Variants in FBN2 observed in about 807,000 individuals in gnomAD.
FBN2 encodes fibrillin 2.
A neutral mutation model predicts 355.6 loss-of-function variants in FBN2; 105 were observed. The observed-to-expected ratio is 0.30, with a 90% CI of 0.25 to 0.35. FBN2 has a LOEUF of 0.35. Ranked by LOEUF, FBN2 falls within the 10% of genes least tolerant of loss-of-function variation. The pLI is 1.00. For synonymous variants in FBN2, 1,350 were observed against 1,301.2 expected (o/e 1.04, Z -0.81); for missense variants, 3,280 against 3,758.7 (o/e 0.87, Z 3.33).
intron 25 of FBN2, among the ~76,000 whole-genome samples, chr5:128,342,569 AG>A (rs1751054080): frequency 6.6e-6 from 1 of 152,138 alleles, no homozygotes; most frequent in Admixed American, 6.5e-5. Flanking sequence ...AACAGGAAGC[AG>A]GGAAGAGGAG....
chr5:128,413,087 C>A (rs1191146036), intron 7 of FBN2, among the ~76,000 whole-genome samples: 2 of 152,078 alleles, frequency 1.3e-5, no homozygotes, highest in Admixed American at 6.5e-5. Context: ...ACATTTTGAT[C>A]CTGGGATGTT....
chr5:128,478,930 G>A (rs2127104674), intron 5 of FBN2, among the ~76,000 whole-genome samples: 1 of 152,274 alleles, frequency 6.6e-6, no homozygotes, highest in African/African-American at 2.4e-5. Flanking sequence ...TAGCATTCCT[G>A]AAGACAAGTG....
At chr5:128,288,978 A>G (rs1042957555) in intron 52 of FBN2, 149 bp downstream of exon 52, 217 of 787,414 alleles carry the variant, frequency 2.8e-4, no homozygotes, top group Admixed American at 1.8e-4. Flanking sequence ...TGACTGGAAA[A>G]TGTAAGACTG....
chr5:128,537,836 G>C lies in FBN2; in HGVS notation c.-233C>G. 5.0e-6 allele frequency: 3 copies of C among 597,224 alleles called. No individual in the cohort carries two copies. The South Asian group carries it at 6.0e-5, about 12-fold the overall frequency. The allele number at this position is 597,224 out of a possible 1,614,324, so 37.0% of individuals were successfully genotyped here. ...TCTAGCGCAGTGAGCGGCGAGGCGC[G>C]GCGGAGGTGCAGCCGGCAGCCCCGA... is the stretch of plus-strand genomic sequence containing the variant. On this transcript the variant is annotated 5_prime_UTR_variant, in exon 1 of 65. Coordinates refer to ENST00000262464, the MANE Select transcript of FBN2 (RefSeq NM_001999.4).
chr5:128,286,658 C>T, intron 55 of FBN2, 60 bp downstream of exon 55: 7 of 1,595,252 alleles, frequency 4.4e-6, no homozygotes, highest in Non-Finnish European at 2.6e-6. Context: ...GGGAGTAGTG[C>T]CATTAATGAG....
intron 34 of FBN2, among the ~76,000 whole-genome samples, chr5:128,319,596 T>C (rs1364202917): frequency 6.6e-6 from 1 of 152,100 alleles, no homozygotes; most frequent in Non-Finnish European, 1.5e-5. Flanking sequence ...TCTGTTATTA[T>C]AAAGCAGTTT....
intron 16 of FBN2, among the ~76,000 whole-genome samples, chr5:128,368,434 A>T (rs1751833836): frequency 7.4e-6 from 1 of 135,792 alleles, no homozygotes; most frequent in Non-Finnish European, 1.5e-5. Flanking sequence ...ATATATATAT[A>T]CACATATATA....
intron 5 of FBN2, among the ~76,000 whole-genome samples, chr5:128,471,274 G>A (rs557655801): frequency 6.6e-6 from 1 of 152,048 alleles, no homozygotes; most frequent in South Asian, 2.1e-4. Flanking sequence ...TCAATGATGA[G>A]GTTATAATTG....
intron 8 of FBN2, among the ~76,000 whole-genome samples, chr5:128,395,647 A>C (rs1420036781): frequency 2.0e-5 from 3 of 152,232 alleles, no homozygotes; most frequent in Non-Finnish European, 2.9e-5. Context: ...GATCAGATGC[A>C]ACCTGAAACA....
intron 46 of FBN2, among the ~76,000 whole-genome samples, chr5:128,302,411 T>C (rs1378413301): frequency 6.6e-6 from 1 of 152,194 alleles, no homozygotes; most frequent in African/African-American, 2.4e-5. Flanking sequence ...CACATTTGTG[T>C]GTTGCTGTGG....
intron 55 of FBN2, among the ~76,000 whole-genome samples, chr5:128,283,478 A>C (rs1004643268): frequency 6.6e-6 from 1 of 152,236 alleles, no homozygotes; most frequent in Non-Finnish European, 1.5e-5. Flanking sequence ...TTCTCAGGAC[A>C]TCACACGGAC....
intron 2 of FBN2, among the ~76,000 whole-genome samples, chr5:128,532,408 C>G (rs901534888): frequency 6.6e-6 from 1 of 152,112 alleles, no homozygotes; most frequent in East Asian, 1.9e-4. Context: ...CACTTGTAGC[C>G]AAGTACCTTC....
At chr5:128,275,125 C>T (rs540818585) in intron 59 of FBN2, among the ~76,000 whole-genome samples, 47 of 152,210 alleles carry the variant, frequency 3.1e-4, no homozygotes, top group African/African-American at 7.0e-4. Flanking sequence ...GATGAAAACA[C>T]GGGCATTAAT....
In FBN2 at chr5:128,305,876, C is replaced by A; in HGVS notation, c.5495G>T (p.Arg1832Leu). The A allele has an allele frequency of 6.2e-7, 1 of 1,613,868 alleles. No homozygotes were observed. The highest frequency in any genetic ancestry group is 8.5e-7 in the Non-Finnish European group (1 of 1,179,790). Residue 1832 changes from arginine to leucine, a missense_variant, in exon 43 of 65, where the codon CGC (arginine) becomes CTC (leucine). Transcript: ENST00000262464. Reference sequence around the variant, plus strand: ...ACTGAATCCTGTAGGGCATTCACAGCGGAAACTGCCAATCTGGTTAATGCA... The same window carrying A: ...ACTGAATCCTGTAGGGCATTCACAGAGGAAACTGCCAATCTGGTTAATGCA... ...GVCINQIGSF[R>L]CECPTGFSYN... is the part of the protein sequence containing the mutation.
At chr5:128,466,563 A>G (rs1048749869) in intron 5 of FBN2, among the ~76,000 whole-genome samples, 6 of 152,218 alleles carry the variant, frequency 3.9e-5, no homozygotes, top group Non-Finnish European at 7.3e-5. Flanking sequence ...TTAAAACCAC[A>G]TAAAACTTCG....
At position 128,305,554 on chromosome 5, in the gene FBN2, T is replaced by G. The variant is rs1486963642; in HGVS notation, c.5631A>C (p.Glu1877Asp). The G allele has an allele frequency of 6.2e-7, 1 of 1,613,996 alleles. No homozygotes were observed. The highest frequency in any genetic ancestry group is 1.3e-5 in the African/African-American group (1 of 74,928). The change falls in exon 44 of 65, where the codon GAA becomes GAC. Residue 1877 changes from glutamate (E) to aspartate (D), a missense_variant. Physicochemically the swap from Glu to Asp is conservative, Grantham distance 45 (BLOSUM62 2). This residue lies in a region of FBN2 where 2,284 missense variants were observed against 2,749.5 expected (regional missense o/e 0.83). Coordinates refer to ENST00000262464, the MANE Select transcript of FBN2 (RefSeq NM_001999.4). ...CINSPGSYRC[E>D]CAAGFKLSPN... Reference sequence around the variant, plus strand: ...GTGAAAGTTTGAAACCCGCGGCACATTCACAGCGGTAACTACCAGGACTAT... The same window carrying G: ...GTGAAAGTTTGAAACCCGCGGCACAGTCACAGCGGTAACTACCAGGACTAT...
chr5:128,470,126 C>T (rs138611874), intron 5 of FBN2, among the ~76,000 whole-genome samples: 4 of 152,262 alleles, frequency 2.6e-5, no homozygotes, highest in African/African-American at 9.6e-5. Context: ...GCTGAGGAAA[C>T]AGGAAATGGA....
chr5:128,301,535 T>C (rs1581200420), intron 46 of FBN2, 25 bp from the exon 47 acceptor site: 1 of 1,610,250 alleles, frequency 6.2e-7, no homozygotes, highest in East Asian at 2.2e-5. Flanking sequence ...GAGTATGTTT[T>C]TCAGAAAGAG....
At chr5:128,427,264 G>A (rs907855193) in intron 7 of FBN2, among the ~76,000 whole-genome samples, 1 of 152,136 alleles carries the variant, frequency 6.6e-6, no homozygotes, top group Admixed American at 6.6e-5. Context: ...CACATAGCTA[G>A]TCCTGAGAAG....
Sources: gnomAD v4.1 joint callset for allele counts (sites outside exome capture counted in the v4.1 genomes callset) on GRCh38, gnomAD v4.1.1 for gene constraint, gnomAD v4.1.1 regional missense constraint, MANE v1.5 for transcripts, NCBI Gene and HGNC (gene_info 2026-07-23, HGNC 2026-07-21) for gene names.